Variants in CLSTN2 observed in about 807,000 individuals in gnomAD.
CLSTN2 encodes the protein calsyntenin-2.
A neutral mutation model predicts 101.2 loss-of-function variants in CLSTN2; 48 were observed. The observed-to-expected ratio is 0.47, with a 90% CI of 0.38 to 0.60. The LOEUF (loss-of-function observed/expected upper bound fraction) is 0.60, where lower values mean the gene tolerates loss of function less well. CLSTN2 is among the 20% of genes least tolerant of loss of function. The pLI is 0.00. For missense variants in CLSTN2, 1,160 were observed against 1,238.2 expected, an observed-to-expected ratio of 0.94 and a Z score of 0.95; for synonymous variants, 481 against 463.6, an observed-to-expected ratio of 1.04 and a Z score of -0.48.
At chr3:140,124,440 A>G (rs1185725175) in intron 1 of CLSTN2, among the ~76,000 whole-genome samples, 2 of 152,200 alleles carry the variant, frequency 1.3e-5, no homozygotes, top group Non-Finnish European at 2.9e-5. Flanking sequence ...GGATGATGCC[A>G]GCTTGCTCCA....
rs189063292 is a variant in CLSTN2 at position 140,429,510 on chromosome 3, G to T, written c.787+8236G>T. Among the ~76,000 whole-genome samples the T allele has an allele frequency of 4.2e-3, 645 of 152,240 alleles. 21 individuals are homozygous for T. Among genetic ancestry groups the T allele is most frequent in the Non-Finnish European group, 1.4e-3 (93 of 68,012 alleles). ...GGAGCACAATGTGGCTGGATCAGAG[G>T]GAAGAAGACTGGACTGGCCAACTGA... On this transcript the variant is annotated intron_variant, in intron 5 of 16. Transcript: ENST00000458420.
At chr3:140,019,976 C>T (rs2007274787) in intron 1 of CLSTN2, among the ~76,000 whole-genome samples, 1 of 152,058 alleles carries the variant, frequency 6.6e-6, no homozygotes. Flanking sequence ...TGGGTGGAAC[C>T]TCTGGGGCCT....
intron 4 of CLSTN2, among the ~76,000 whole-genome samples, chr3:140,405,685 C>G (rs10513110): frequency 0.14 from 20,740 of 152,148 alleles, 1,823 homozygotes; most frequent in African/African-American, 0.25. Flanking sequence ...CCCATCACCA[C>G]GAATAGAAAA....
At chr3:140,368,796 TG>T (rs2107955610) in intron 2 of CLSTN2, among the ~76,000 whole-genome samples, 1 of 152,346 alleles carries the variant, frequency 6.6e-6, no homozygotes, top group East Asian at 1.9e-4. Flanking sequence ...AAGGACTCTG[TG>T]ACTTTTTGTG....
chr3:140,098,973 G>A (rs528333660), intron 1 of CLSTN2, among the ~76,000 whole-genome samples: 3 of 152,292 alleles, frequency 2.0e-5, no homozygotes, highest in Admixed American at 6.5e-5. Context: ...GATCACACAC[G>A]GACATGGGAG....
intron 2 of CLSTN2, among the ~76,000 whole-genome samples, chr3:140,209,088 C>T (rs1198130727): frequency 1.3e-5 from 2 of 152,204 alleles, no homozygotes; most frequent in Non-Finnish European, 2.9e-5. Flanking sequence ...AAAAAAATCA[C>T]TCCCATTCTG....
chr3:140,111,746 T>C (rs1420989921), intron 1 of CLSTN2, among the ~76,000 whole-genome samples: 2 of 152,216 alleles, frequency 1.3e-5, no homozygotes, highest in South Asian at 2.1e-4. Context: ...AAAAACAAGG[T>C]AAATATCCTT....
At position 140,171,396 on chromosome 3, in the gene CLSTN2, A is replaced by T. The variant is rs78161862; in HGVS notation, c.110-4555A>T. Among the ~76,000 whole-genome samples the T allele has an allele frequency of 1.8e-4, 28 of 151,694 alleles. No individual in the cohort carries two copies. The East Asian group carries it at 4.9e-3, about 26-fold the overall frequency. The stretch of plus-strand genomic sequence containing the variant: ...TAGACTGCTTTCCAGTTAGTTTGTG[A>T]TTGCTGTGGAATGGGTGAGAAGGAG... On this transcript the variant is annotated intron_variant, in intron 1 of 16. Coordinates refer to ENST00000458420, the MANE Select transcript of CLSTN2 (RefSeq NM_022131.3).
chr3:140,024,139 T>C (rs553145717), intron 1 of CLSTN2, among the ~76,000 whole-genome samples: 1 of 152,312 alleles, frequency 6.6e-6, no homozygotes, highest in Admixed American at 6.5e-5. Flanking sequence ...CTTTGTAGAA[T>C]GGTGAGGACT....
At chr3:140,108,577 C>G (rs548018988) in intron 1 of CLSTN2, among the ~76,000 whole-genome samples, 3 of 152,206 alleles carry the variant, frequency 2.0e-5, no homozygotes, top group African/African-American at 7.2e-5. Context: ...TTAAAAAGAA[C>G]CTTGGTGGAG....
At chr3:140,112,350 AGTGTGT>A (rs200761645) in intron 1 of CLSTN2, among the ~76,000 whole-genome samples, 4 of 131,470 alleles carry the variant, frequency 3.0e-5, no homozygotes, top group East Asian at 2.9e-4. Context: ...AAATATTAAA[AGTGTGT>A]GTGTGTGTGT....
chr3:140,154,487 C>T (rs1233820475), intron 1 of CLSTN2, among the ~76,000 whole-genome samples: 1 of 152,016 alleles, frequency 6.6e-6, no homozygotes, highest in Non-Finnish European at 1.5e-5. Flanking sequence ...CTATAAAGGA[C>T]TACCTGAGAC....
chr3:140,024,558 C>G (rs187792476), intron 1 of CLSTN2, among the ~76,000 whole-genome samples: 2 of 152,190 alleles, frequency 1.3e-5, no homozygotes, highest in African/African-American at 4.8e-5. Context: ...GTCAGCTAGT[C>G]GCAAACAACA....
chr3:139,953,841 C>A (rs545022638), intron 1 of CLSTN2, among the ~76,000 whole-genome samples: 23 of 152,256 alleles, frequency 1.5e-4, no homozygotes, highest in Middle Eastern at 3.4e-3. Context: ...TACACACACA[C>A]CTTTGCTCAA....
chr3:140,112,350 AGTGTGTGT>A (rs200761645), intron 1 of CLSTN2, among the ~76,000 whole-genome samples: 1 of 131,470 alleles, frequency 7.6e-6, no homozygotes, highest in Non-Finnish European at 1.6e-5. Flanking sequence ...AAATATTAAA[AGTGTGTGT>A]GTGTGTGTGT....
chr3:140,438,491 A>C (rs1023834884), intron 5 of CLSTN2, among the ~76,000 whole-genome samples: 1 of 150,338 alleles, frequency 6.7e-6, no homozygotes, highest in African/African-American at 2.4e-5. Flanking sequence ...TTAAAAAGAG[A>C]TTTATATAAC....
intron 6 of CLSTN2, chr3:140,453,322 ATCATGTGGT>A (rs1439277751): frequency 6.6e-6 from 1 of 152,152 alleles, no homozygotes; most frequent in Non-Finnish European, 1.5e-5. Context: ...TGCTGCAAAA[ATCATGTGGT>A]TCATGTGTCA....
intron 1 of CLSTN2, among the ~76,000 whole-genome samples, chr3:139,990,955 T>C (rs1284462526): frequency 6.6e-6 from 1 of 152,214 alleles, no homozygotes; most frequent in Admixed American, 6.5e-5. Context: ...GCTCATTATA[T>C]AAAATTTTAT....
chr3:140,411,264 C>G (rs897162814), intron 4 of CLSTN2, among the ~76,000 whole-genome samples: 1 of 152,196 alleles, frequency 6.6e-6, no homozygotes, highest in Non-Finnish European at 1.5e-5. Context: ...CAAAAGAGAT[C>G]AAGGGTAGCT....
Sources: gnomAD v4.1 joint callset for allele counts (sites outside exome capture counted in the v4.1 genomes callset) on GRCh38, gnomAD v4.1.1 for gene constraint, MANE v1.5 for transcripts, NCBI Gene and HGNC (gene_info 2026-07-23, HGNC 2026-07-21) for gene names.